Variants in NMNAT2 observed in about 807,000 individuals in gnomAD.
NMNAT2 encodes the protein nicotinamide/nicotinic acid mononucleotide adenylyltransferase 2.
NMNAT2 carries 11 observed loss-of-function variants against 41.6 expected under a neutral mutation model. The ratio of observed to expected loss-of-function variants is 0.26; its 90% CI spans 0.17 to 0.44. The LOEUF is 0.44. NMNAT2 is among the 20% of genes least tolerant of loss of function. NMNAT2 has a pLI of 1.00. For missense variants in NMNAT2, 288 were observed against 407.7 expected (o/e 0.71, Z 2.53); for synonymous variants, 148 against 151.2 (o/e 0.98, Z 0.16).
intron 7 of NMNAT2, among the ~76,000 whole-genome samples, chr1:183,280,584 C>T (rs1421249783): frequency 6.6e-6 from 1 of 151,530 alleles, no homozygotes; most frequent in African/African-American, 2.4e-5. Context: ...GAGGGGGTTT[C>T]ACCATGTTGG....
chr1:183,294,800 A>G (rs1262179518), intron 1 of NMNAT2, among the ~76,000 whole-genome samples: 1 of 152,116 alleles, frequency 6.6e-6, no homozygotes, highest in Non-Finnish European at 1.5e-5. Context: ...AAAACAAAAC[A>G]AAACAAAACA....
rs57569629 is a variant in NMNAT2 at position 183,370,223 on chromosome 1, T to TACACACACACAC, written c.85+47948_85+47959dup. Among the ~76,000 whole-genome samples the TACACACACACAC allele has an allele frequency of 1.8e-3, 202 of 112,812 alleles. 4 individuals carry two copies. The highest frequency in any genetic ancestry group is 4.8e-3 in the Middle Eastern group (1 of 208). 74.0% of individuals were successfully genotyped at this position (112,812 alleles called of 152,430 possible). On this transcript the variant is annotated intron_variant, in intron 1 of 10. Coordinates refer to ENST00000287713, the MANE Select transcript of NMNAT2 (RefSeq NM_015039.4). ...ACTTCCTACCACTACTATCAACACATACACACACACACACACACACACACA... is the reference window on the plus strand; with the variant it reads ...ACTTCCTACCACTACTATCAACACATACACACACACACACACACACACACACACACACACACA...
At chr1:183,410,589 C>T (rs1354054551) in intron 1 of NMNAT2, among the ~76,000 whole-genome samples, 2 of 151,902 alleles carry the variant, frequency 1.3e-5, no homozygotes, top group African/African-American at 2.4e-5. Flanking sequence ...GGCACTGCCC[C>T]CCTTCCAACC....
At chr1:183,364,894 T>C (rs543939735) in intron 1 of NMNAT2, among the ~76,000 whole-genome samples, 4 of 152,204 alleles carry the variant, frequency 2.6e-5, no homozygotes, top group African/African-American at 9.6e-5. Flanking sequence ...GGTTTCACTA[T>C]GTTGGCCAGG....
intron 1 of NMNAT2, among the ~76,000 whole-genome samples, chr1:183,417,568 C>A (rs1355967434): frequency 6.6e-6 from 1 of 152,184 alleles, no homozygotes. Flanking sequence ...GGCCCCCTCC[C>A]TATTCACTCA....
At chr1:183,316,648 G>A (rs1299005202) in intron 1 of NMNAT2, among the ~76,000 whole-genome samples, 1 of 152,142 alleles carries the variant, frequency 6.6e-6, no homozygotes, top group East Asian at 1.9e-4. Flanking sequence ...CTTCCCTCTG[G>A]AGGGCAGGCA....
At chr1:183,377,271 C>T (rs371962851) in intron 1 of NMNAT2, among the ~76,000 whole-genome samples, 7 of 152,144 alleles carry the variant, frequency 4.6e-5, no homozygotes, top group African/African-American at 1.2e-4. Context: ...TGACTGCCTA[C>T]AACTGAGGCT....
At chr1:183,283,760 A>T in intron 7 of NMNAT2, 1 of 540,832 alleles carries the variant, frequency 1.8e-6, no homozygotes, top group Admixed American at 3.1e-5. Flanking sequence ...TGAAGGAAAA[A>T]TCACCAAATG....
intron 1 of NMNAT2, among the ~76,000 whole-genome samples, chr1:183,358,746 A>G (rs1663248032): frequency 6.6e-6 from 1 of 152,152 alleles, no homozygotes; most frequent in African/African-American, 2.4e-5. Context: ...TGTTTCTAGA[A>G]TCTCCCAGCA....
At chr1:183,345,659 T>G (rs934312285) in intron 1 of NMNAT2, among the ~76,000 whole-genome samples, 4 of 151,680 alleles carry the variant, frequency 2.6e-5, no homozygotes, top group South Asian at 2.1e-4. Context: ...CTTCTCAGCT[T>G]TCATAACTAC....
chr1:183,286,669 G>A lies in NMNAT2; in HGVS notation c.441C>T (p.Pro147=), dbSNP rs759490316. The part of the protein sequence containing the change: ...IYQNSNVATK[P]TAAKILGKVG... ...ACATCAGTGTTCCCCTACCTGCAGT[G>A]GGCTTGGTGGCCACGTTGCTGTTCT... Residue 147 remains proline, a synonymous_variant, in exon 5 of 11, where the codon CCC becomes CCT. Coordinates refer to ENST00000287713, the MANE Select transcript of NMNAT2 (RefSeq NM_015039.4). 6.2e-7 allele frequency: 1 copy of A among 1,609,350 alleles called. No homozygotes were observed. The highest frequency in any genetic ancestry group is 8.5e-7 in the Non-Finnish European group (1 of 1,177,768).
chr1:183,290,747 C>T (rs74129677), intron 3 of NMNAT2: 7,043 of 152,374 alleles, frequency 0.046, 458 homozygotes, highest in African/African-American at 0.14. Context: ...CCTCGAGAAT[C>T]AGTCTTCCCT....
At chr1:183,411,452 C>A (rs71632178) in intron 1 of NMNAT2, among the ~76,000 whole-genome samples, 29 of 152,184 alleles carry the variant, frequency 1.9e-4, no homozygotes, top group Non-Finnish European at 4.3e-4. Flanking sequence ...TACAGGCATG[C>A]ACCACCAGGC....
intron 7 of NMNAT2, among the ~76,000 whole-genome samples, chr1:183,280,923 T>A (rs1571570285): frequency 6.6e-6 from 1 of 151,550 alleles, no homozygotes; most frequent in African/African-American, 2.4e-5. Context: ...GCAGCTGGGA[T>A]TACAGACATG....
intron 8 of NMNAT2, among the ~76,000 whole-genome samples, chr1:183,267,969 G>T (rs1223082261): frequency 1.3e-5 from 2 of 152,126 alleles, no homozygotes; most frequent in Admixed American, 6.5e-5. Context: ...AGAGGTGGGG[G>T]TCTGTGACAT....
intron 1 of NMNAT2, among the ~76,000 whole-genome samples, chr1:183,369,271 T>G (rs1300812207): frequency 6.6e-6 from 1 of 151,504 alleles, no homozygotes; most frequent in Admixed American, 6.6e-5. Context: ...TTCTTTTTTT[T>G]TTTTTATTAT....
intron 8 of NMNAT2, among the ~76,000 whole-genome samples, chr1:183,276,779 G>T (rs141485560): frequency 6.6e-6 from 1 of 152,202 alleles, no homozygotes; most frequent in Admixed American, 6.5e-5. Flanking sequence ...AACTTTGCCC[G>T]CATTACTTTT....
intron 1 of NMNAT2, among the ~76,000 whole-genome samples, chr1:183,326,847 C>A (rs543244984): frequency 3.3e-5 from 5 of 152,110 alleles, no homozygotes; most frequent in Admixed American, 6.5e-5. Context: ...ACCAGGTGGG[C>A]TGAAACTTTG....
chr1:183,359,551 C>T (rs1571618517), intron 1 of NMNAT2, among the ~76,000 whole-genome samples: 1 of 152,284 alleles, frequency 6.6e-6, no homozygotes, highest in Middle Eastern at 3.4e-3. Flanking sequence ...GGTCTCTGAA[C>T]TCTCCTTCTC....
Sources: allele counts gnomAD v4.1 joint callset (sites outside exome capture counted in the v4.1 genomes callset), GRCh38; gene constraint gnomAD v4.1.1; transcripts MANE v1.5; gene names NCBI Gene and HGNC (gene_info 2026-07-23, HGNC 2026-07-21).